The following MAP6 variants were observed in gnomAD, a reference collection of about 807,000 sequenced individuals.
The protein encoded by MAP6 is microtubule associated protein 6.
In MAP6, 26 loss-of-function variants were observed where a neutral mutation model predicts 42.4. The observed-to-expected ratio is 0.61, with a 90% CI of 0.45 to 0.85. The LOEUF is 0.85. Ranked by LOEUF, MAP6 falls within the 40% of genes least tolerant of loss-of-function variation. The pLI, the probability that MAP6 is intolerant of heterozygous loss-of-function variation, is 0.00. For missense variants in MAP6, 966 were observed against 1,099.0 expected (o/e 0.88, Z 1.71); for synonymous variants, 418 against 443.8 (o/e 0.94, Z 0.73).
chr11:75,601,619 C>T lies in MAP6; in HGVS notation c.1316+4189G>A, dbSNP rs530936009. On this transcript the variant is annotated intron_variant, in intron 3 of 3. Transcript: ENST00000304771. ...AGAGGATCTGTAGTGTTGCCTGACG[C>T]ATAAGCAAGCAAGAGAAGCATGACA... Among the ~76,000 whole-genome samples the T allele has an allele frequency of 3.9e-5, 6 of 152,182 alleles. No homozygotes were observed. In the South Asian group the frequency reaches 1.2e-3, roughly 32 times the overall value.
chr11:75,639,666 A>G (rs957673144), intron 1 of MAP6, among the ~76,000 whole-genome samples: 2 of 152,352 alleles, frequency 1.3e-5, no homozygotes, highest in Admixed American at 1.3e-4. Context: ...TTGGAAGTGC[A>G]TGATTTCAAC....
intron 1 of MAP6, among the ~76,000 whole-genome samples, chr11:75,657,845 T>G (rs1373980505): frequency 1.3e-5 from 2 of 152,200 alleles, no homozygotes; most frequent in African/African-American, 4.8e-5. Flanking sequence ...CTCTTTCACT[T>G]ATAAGGACTC....
At chr11:75,663,827 A>C (rs558834801) in intron 1 of MAP6, among the ~76,000 whole-genome samples, 1 of 152,206 alleles carries the variant, frequency 6.6e-6, no homozygotes, top group Non-Finnish European at 1.5e-5. Context: ...TGTAACCTTC[A>C]TACAAGGCTG....
intron 1 of MAP6, among the ~76,000 whole-genome samples, chr11:75,650,089 T>TC (rs1943624151): frequency 2.0e-5 from 3 of 152,288 alleles, no homozygotes; most frequent in Admixed American, 2.0e-4. Context: ...TCGTGCTCCT[T>TC]CCTGTGTTCC....
intron 1 of MAP6, among the ~76,000 whole-genome samples, chr11:75,623,284 TAGAAAC>T (rs1943140331): frequency 6.6e-6 from 1 of 152,322 alleles, no homozygotes; most frequent in Middle Eastern, 3.4e-3. Context: ...AGGCAAACTG[TAGAAAC>T]AGAAAGATCA....
rs1416021091 is a variant in MAP6 at position 75,652,663 on chromosome 11, C to T, written c.905+14802G>A. ...GACCATCCTGGCCAACATGGTGAAACCCCATCTCTACTAAAAATACAAAAA... is the reference window on the plus strand; with the variant it reads ...GACCATCCTGGCCAACATGGTGAAATCCCATCTCTACTAAAAATACAAAAA... On this transcript the variant is annotated intron_variant, in intron 1 of 3. Coordinates refer to ENST00000304771, the MANE Select transcript of MAP6 (RefSeq NM_033063.2). Among the ~76,000 whole-genome samples, 4 of 151,816 alleles carry T rather than the reference C, an allele frequency of 2.6e-5. No homozygotes were observed. The South Asian group carries it at 8.3e-4, about 32-fold the overall frequency.
chr11:75,604,154 A>C, intron 3 of MAP6: 1 of 985,894 alleles, frequency 1.0e-6, no homozygotes, highest in Non-Finnish European at 1.2e-6. Flanking sequence ...GGAAGGTCGC[A>C]GTGGGCCTGA....
intron 1 of MAP6, among the ~76,000 whole-genome samples, chr11:75,614,483 C>G (rs1387756914): frequency 6.6e-6 from 1 of 152,184 alleles, no homozygotes; most frequent in East Asian, 1.9e-4. Context: ...TCCTTGTACT[C>G]TCTCTGGGAT....
chr11:75,659,740 C>A (rs1487934479), intron 1 of MAP6, among the ~76,000 whole-genome samples: 1 of 152,148 alleles, frequency 6.6e-6, no homozygotes, highest in Non-Finnish European at 1.5e-5. Flanking sequence ...ATTCATAAAG[C>A]CAAAGCAGCA....
intron 1 of MAP6, among the ~76,000 whole-genome samples, chr11:75,610,397 G>A (rs145595151): frequency 2.0e-5 from 3 of 152,156 alleles, no homozygotes; most frequent in Non-Finnish European, 2.9e-5. Context: ...CACGAAATAT[G>A]TACTGAGTGC....
At chr11:75,603,428 G>T (rs1454278938) in intron 3 of MAP6, 1 of 985,662 alleles carries the variant, frequency 1.0e-6, no homozygotes, top group Non-Finnish European at 1.2e-6. Context: ...ATCAAAGGAA[G>T]TCTCTTGCCA....
In MAP6 at chr11:75,610,723, G is replaced by A. The variant is rs551383725; in HGVS notation, c.906-2401C>T. Among the ~76,000 whole-genome samples the A allele has an allele frequency of 3.7e-4, 56 of 152,238 alleles. 1 individual carries two copies. The highest frequency in any genetic ancestry group is 7.1e-4 in the Non-Finnish European group (48 of 68,024). ...GCAAGAGGCCAGGCAGGAGACTGCT[G>A]TTAGGAAGTAGGGGAAGCAGGGGGC... On this transcript the variant is annotated intron_variant, in intron 1 of 3. Transcript: ENST00000304771.
At chr11:75,616,230 AATTT>A (rs1942992045) in intron 1 of MAP6, among the ~76,000 whole-genome samples, 1 of 152,164 alleles carries the variant, frequency 6.6e-6, no homozygotes, top group Non-Finnish European at 1.5e-5. Flanking sequence ...AGGGAAGAGG[AATTT>A]ATTTATTATG....
chr11:75,659,510 T>G (rs1442475557), intron 1 of MAP6, among the ~76,000 whole-genome samples: 5 of 152,192 alleles, frequency 3.3e-5, no homozygotes, highest in African/African-American at 4.8e-5. Flanking sequence ...ACAGCATGGT[T>G]CCTGAAGAGT....
At position 75,604,586 on chromosome 11, in the gene MAP6, C is replaced by T. The variant is rs185271929; in HGVS notation, c.1316+1222G>A. On this transcript the variant is annotated intron_variant, in intron 3 of 3. Coordinates refer to ENST00000304771, the MANE Select transcript of MAP6 (RefSeq NM_033063.2). The stretch of plus-strand genomic sequence containing the variant: ...CTGGTAACTATTTTGAGTTCCCTCA[C>T]AAGCACTGGGGTTTTTTTTTTCACA... The T allele has an allele frequency of 1.8e-4, 177 of 984,936 alleles. 1 individual carries two copies. The highest frequency in any genetic ancestry group is 1.8e-5 in the Non-Finnish European group (15 of 829,820). 61.0% of individuals were successfully genotyped at this position (984,936 alleles called of 1,614,324 possible).
Position 75,587,626 on chromosome 11 carries a change from G to A in MAP6, c.1875C>T (p.Val625=). 1.9e-6 allele frequency: 3 copies of A among 1,613,946 alleles called. No homozygotes were observed. Among genetic ancestry groups the A allele is most frequent in the Non-Finnish European group, 2.5e-6 (3 of 1,179,954 alleles). ...KGEGPIVPAP[V]KDEGPMVSAP... ...CTGAGACCATGGGACCTTCATCCTT[G>A]ACAGGTGCTGGGACTATGGGACCTT... The change falls in exon 4 of 4, where the codon GTC becomes GTT. Residue 625 remains valine (V), a synonymous_variant. Coordinates refer to ENST00000304771, the MANE Select transcript of MAP6 (RefSeq NM_033063.2).
Position 75,605,916 on chromosome 11 carries a change from A to G in MAP6, c.1208T>C (p.Val403Ala), listed in dbSNP as rs1241121355. ...CTTTTTCTTGGCAGCCTGGCCTGACACCGCCTGCTTGTCTTTGGCCTTCCT... is the reference window on the plus strand; with the variant it reads ...CTTTTTCTTGGCAGCCTGGCCTGACGCCGCCTGCTTGTCTTTGGCCTTCCT... Reference protein sequence around the residue: ...PTRKAKDKQAVSGQAAKKKSA... With the variant: ...PTRKAKDKQAASGQAAKKKSA... Residue 403 changes from valine (V) to alanine (A), a missense_variant, in exon 3 of 4, where the codon GTG (valine) becomes GCG (alanine). Transcript: ENST00000304771. The G allele has an allele frequency of 8.7e-6, 14 of 1,613,838 alleles. No individual in the cohort carries two copies. Among genetic ancestry groups the G allele is most frequent in the Non-Finnish European group, 8.5e-7 (1 of 1,180,012 alleles).
rs560855960 is a variant in MAP6 at position 75,633,870 on chromosome 11, G to C, written c.906-25548C>G. 7.9e-5 allele frequency among the ~76,000 whole-genome samples: 12 copies of C among 152,342 alleles called. No individual in the cohort carries two copies. The South Asian group carries it at 2.1e-3, about 26-fold the overall frequency. ...GGGAGGGCCTTGGATAACAGAGAGA[G>C]GGATTTGGTTTAATCTTCTGTGCGA... On this transcript the variant is annotated intron_variant, in intron 1 of 3. Coordinates refer to ENST00000304771, the MANE Select transcript of MAP6 (RefSeq NM_033063.2).
At chr11:75,611,762 G>A (rs1942901099) in intron 1 of MAP6, among the ~76,000 whole-genome samples, 1 of 152,358 alleles carries the variant, frequency 6.6e-6, no homozygotes, top group African/African-American at 2.4e-5. Flanking sequence ...TAAGCTGGAG[G>A]ATTTTGTTTT....
Sources: gnomAD v4.1 joint callset for allele counts (sites outside exome capture counted in the v4.1 genomes callset) on GRCh38, gnomAD v4.1.1 for gene constraint, MANE v1.5 for transcripts, NCBI Gene and HGNC (gene_info 2026-07-23, HGNC 2026-07-21) for gene names.